TNKS: variants seen among roughly 807,000 people sequenced by gnomAD.
TNKS encodes poly [ADP-ribose] polymerase tankyrase-1.
A neutral mutation model predicts 135.8 loss-of-function variants in TNKS; 72 were observed. The ratio of observed to expected loss-of-function variants is 0.53; its 90% CI spans 0.44 to 0.64. The LOEUF (loss-of-function observed/expected upper bound fraction) is 0.64, where lower values mean the gene tolerates loss of function less well. Ranked by LOEUF, TNKS falls within the 30% of genes least tolerant of loss-of-function variation. The pLI is 0.00. For missense variants in TNKS, 1,769 were observed against 1,674.0 expected (o/e 1.06, Z -0.99); for synonymous variants, 849 against 649.3 (o/e 1.31, Z -4.68).
intron 12 of TNKS, among the ~76,000 whole-genome samples, chr8:9,725,494 C>G (rs1805120126): frequency 1.3e-5 from 2 of 152,208 alleles, no homozygotes; most frequent in Admixed American, 6.5e-5. Flanking sequence ...AAAAGCCACT[C>G]TCTCCTGAAA....
chr8:9,590,793 A>G (rs1358996290), intron 2 of TNKS, among the ~76,000 whole-genome samples: 1 of 152,216 alleles, frequency 6.6e-6, no homozygotes, highest in African/African-American at 2.4e-5. Flanking sequence ...TGATAGATAA[A>G]AGTTTCTTAC....
intron 3 of TNKS, among the ~76,000 whole-genome samples, chr8:9,679,595 C>G (rs1283778285): frequency 6.6e-6 from 1 of 152,074 alleles, no homozygotes; most frequent in Non-Finnish European, 1.5e-5. Context: ...TTATGCTTCC[C>G]AAGTATACTG....
intron 8 of TNKS, among the ~76,000 whole-genome samples, chr8:9,707,684 A>G (rs1476983962): frequency 6.6e-6 from 1 of 152,206 alleles, no homozygotes; most frequent in Non-Finnish European, 1.5e-5. Flanking sequence ...TTGGATTCTC[A>G]TTCATGCAAT....
chr8:9,618,079 C>T (rs142251919), intron 3 of TNKS, among the ~76,000 whole-genome samples: 12,473 of 150,592 alleles, frequency 0.083, 554 homozygotes, highest in South Asian at 0.18. Flanking sequence ...CTCCGTCTCC[C>T]GGGTTCAAGC....
chr8:9,730,778 C>CCAAAG, intron 13 of TNKS, 112 bp from the exon 14 acceptor site: 1 of 1,210,268 alleles, frequency 8.3e-7, no homozygotes, highest in South Asian at 1.6e-5. Flanking sequence ...AATAAATATT[C>CCAAAG]ATTAGACAAT....
At chr8:9,765,052 G>T (rs1244704387) in intron 23 of TNKS, among the ~76,000 whole-genome samples, 1 of 152,166 alleles carries the variant, frequency 6.6e-6, no homozygotes, top group Admixed American at 6.5e-5. Context: ...TACTTACGTG[G>T]ATATTGGTCT....
At chr8:9,762,198 C>T (rs1206968137) in intron 21 of TNKS, among the ~76,000 whole-genome samples, 2 of 150,372 alleles carry the variant, frequency 1.3e-5, no homozygotes, top group Non-Finnish European at 2.9e-5. Flanking sequence ...TTTGCCGTTA[C>T]AAGCCTCTTT....
chr8:9,603,650 AC>A (rs1799105292), intron 2 of TNKS, among the ~76,000 whole-genome samples: 1 of 152,234 alleles, frequency 6.6e-6, no homozygotes, highest in Admixed American at 6.5e-5. Flanking sequence ...AATAGGCTGT[AC>A]ATGATATGAT....
intron 18 of TNKS, 37 bp downstream of exon 18, chr8:9,748,249 C>T: frequency 7.1e-7 from 1 of 1,409,696 alleles, no homozygotes; most frequent in East Asian, 2.6e-5. Flanking sequence ...ATTGTTCCTT[C>T]TACTTTCACA....
In TNKS at chr8:9,572,592, A is replaced by T. The variant is rs531561768; in HGVS notation, c.674-7567A>T. ...ATAGCAGATACGTTTTCTCCATGAA[A>T]TATAGTAAAACAGAAAACTTTAAAG... On this transcript the variant is annotated intron_variant, in intron 1 of 26. Transcript: ENST00000310430. Among the ~76,000 whole-genome samples, 5 of 152,286 alleles carry T rather than the reference A, an allele frequency of 3.3e-5. No individual in the cohort carries two copies. In the East Asian group the frequency reaches 9.6e-4, roughly 29 times the overall value.
intron 2 of TNKS, among the ~76,000 whole-genome samples, chr8:9,610,962 T>C (rs1299731351): frequency 6.6e-6 from 1 of 152,206 alleles, no homozygotes; most frequent in Non-Finnish European, 1.5e-5. Context: ...TTGAATAGTT[T>C]TAAAGGATGA....
At chr8:9,724,705 T>G (rs939205290) in intron 12 of TNKS, among the ~76,000 whole-genome samples, 3 of 152,220 alleles carry the variant, frequency 2.0e-5, no homozygotes, top group African/African-American at 7.2e-5. Context: ...CTCTACAATC[T>G]GGATAGTAAT....
At chr8:9,726,042 A>C (rs1417497432) in intron 12 of TNKS, among the ~76,000 whole-genome samples, 1 of 152,182 alleles carries the variant, frequency 6.6e-6, no homozygotes, top group Non-Finnish European at 1.5e-5. Flanking sequence ...TTTTCTGTTC[A>C]CTGATTATAC....
intron 14 of TNKS, among the ~76,000 whole-genome samples, chr8:9,732,020 C>T (rs756469108): frequency 6.6e-6 from 1 of 152,130 alleles, no homozygotes; most frequent in Admixed American, 6.5e-5. Context: ...ATCTCCTGAC[C>T]TCATGGATCC....
At chr8:9,659,560 A>G (rs968683534) in intron 3 of TNKS, among the ~76,000 whole-genome samples, 1 of 152,216 alleles carries the variant, frequency 6.6e-6, no homozygotes, top group Non-Finnish European at 1.5e-5. Flanking sequence ...ACAACATACC[A>G]GAATCTCTGG....
At chr8:9,718,411 G>T (rs1804714379) in intron 11 of TNKS, among the ~76,000 whole-genome samples, 1 of 152,250 alleles carries the variant, frequency 6.6e-6, no homozygotes, top group Non-Finnish European at 1.5e-5. Context: ...GTGGCCTCAG[G>T]ATTAGCTGTC....
At chr8:9,771,300 GAGGAAGGAAGGAAGAGAGA>G (rs138901922) in intron 26 of TNKS, among the ~76,000 whole-genome samples, 1,906 of 130,548 alleles carry the variant, frequency 0.015, 64 homozygotes, top group African/African-American at 0.052. Context: ...AGGGAGGAGA[GAGGAAGGAAGGAAGAGAGA>G]AGAAAGGAGG....
At chr8:9,716,020 G>A (rs1040632151) in intron 11 of TNKS, among the ~76,000 whole-genome samples, 3 of 152,248 alleles carry the variant, frequency 2.0e-5, no homozygotes, top group Admixed American at 1.3e-4. Context: ...ATTCATAAAT[G>A]CATTTCTTCA....
chr8:9,612,773 C>T lies in TNKS; in HGVS notation c.899-2809C>T, dbSNP rs79363132. Among the ~76,000 whole-genome samples the T allele has an allele frequency of 1.9e-3, 293 of 152,146 alleles. 1 individual carries two copies. Among genetic ancestry groups the T allele is most frequent in the African/African-American group, 6.7e-3 (279 of 41,532 alleles). On this transcript the variant is annotated intron_variant, in intron 2 of 26. Transcript: ENST00000310430. ...GTTGAACAACGTGCAGTTTAAAATT[C>T]GAATGTAACTTTCTCCCACAAAATT...
Sources: allele counts gnomAD v4.1 joint callset (sites outside exome capture counted in the v4.1 genomes callset), GRCh38; gene constraint gnomAD v4.1.1; transcripts MANE v1.5; gene names NCBI Gene and HGNC (gene_info 2026-07-23, HGNC 2026-07-21).